Variants in KIAA1755 observed in about 807,000 individuals in gnomAD.
KIAA1755 encodes the protein KIAA1755.
In KIAA1755, 68 loss-of-function variants were observed where a neutral mutation model predicts 91.7. The ratio of observed to expected loss-of-function variants is 0.74; its 90% CI spans 0.61 to 0.91. The LOEUF is 0.91. KIAA1755 is among the 40% of genes least tolerant of loss of function. The pLI, the probability that KIAA1755 is intolerant of heterozygous loss-of-function variation, is 0.00. For missense variants in KIAA1755, 1,535 were observed against 1,494.4 expected (o/e 1.03, Z -0.45); for synonymous variants, 610 against 604.6 (o/e 1.01, Z -0.13).
At chr20:38,219,532 A>C (rs1250307721) in intron 11 of KIAA1755, 98 bp downstream of exon 11, 1 of 1,512,658 alleles carries the variant, frequency 6.6e-7, no homozygotes, top group Non-Finnish European at 8.9e-7. Context: ...CTTTCTCCAG[A>C]ACAAAGCACC....
chr20:38,217,684 T>C, intron 12 of KIAA1755: 2 of 590,868 alleles, frequency 3.4e-6, no homozygotes, highest in South Asian at 2.1e-5. Flanking sequence ...GTTATCACGC[T>C]TCTGGAAGTC....
At chr20:38,253,070 C>CGGCAGGAGCCA (rs2076280071) in intron 1 of KIAA1755, among the ~76,000 whole-genome samples, 1 of 147,384 alleles carries the variant, frequency 6.8e-6, no homozygotes, top group African/African-American at 2.6e-5. Context: ...GCCCGCAGCC[C>CGGCAGGAGCCA]GGCAGGAGCC....
chr20:38,235,622 A>C (rs1268020369), intron 4 of KIAA1755, among the ~76,000 whole-genome samples: 1 of 152,202 alleles, frequency 6.6e-6, no homozygotes, highest in Non-Finnish European at 1.5e-5. Context: ...GGAAAAGGCA[A>C]GGAAATGGAG....
At chr20:38,239,023 C>T (rs1320346331) in intron 4 of KIAA1755, among the ~76,000 whole-genome samples, 1 of 152,214 alleles carries the variant, frequency 6.6e-6, no homozygotes, top group Non-Finnish European at 1.5e-5. Context: ...GACGGACAGA[C>T]TGGGGATCAG....
At chr20:38,253,952 C>T (rs1464400648) in intron 1 of KIAA1755, among the ~76,000 whole-genome samples, 1 of 152,170 alleles carries the variant, frequency 6.6e-6, no homozygotes, top group Non-Finnish European at 1.5e-5. Context: ...GGTGCCATCT[C>T]GACTCACTGC....
chr20:38,259,697 C>T (rs528867363), intron 1 of KIAA1755, among the ~76,000 whole-genome samples: 4 of 151,800 alleles, frequency 2.6e-5, no homozygotes, highest in Non-Finnish European at 4.4e-5. Flanking sequence ...CTTACAGCCC[C>T]TGTGAATCTG....
intron 1 of KIAA1755, among the ~76,000 whole-genome samples, chr20:38,247,089 G>A (rs895566351): frequency 6.6e-6 from 1 of 152,108 alleles, no homozygotes; most frequent in African/African-American, 2.4e-5. Context: ...CAGGACCCAG[G>A]ATCACCTGAC....
At position 38,212,668 on chromosome 20, in the gene KIAA1755, G is replaced by A. The variant is rs934089772; in HGVS notation, c.*374C>T. On this transcript the variant is annotated 3_prime_UTR_variant, in exon 14 of 14. Transcript: ENST00000279024. ...AAGGGCAACACTGGCCCTCGTACCC[G>A]AGGGGAGAGCTGTGTATGTTCCTGA... 9 of 179,158 alleles carry A rather than the reference G, an allele frequency of 5.0e-5. No homozygotes were observed. Among genetic ancestry groups the A allele is most frequent in the East Asian group, 1.4e-4 (1 of 7,018 alleles). 11.1% of individuals were successfully genotyped at this position (179,158 alleles called of 1,614,324 possible). A position where few individuals can be genotyped will look rare whatever the true frequency, so the allele number is the denominator to read the frequency against.
intron 1 of KIAA1755, among the ~76,000 whole-genome samples, chr20:38,249,532 G>A (rs75263204): frequency 7.7e-4 from 117 of 152,264 alleles, no homozygotes; most frequent in Non-Finnish European, 1.4e-3. Flanking sequence ...CCTCCCACCC[G>A]TAGCCCACAC....
chr20:38,222,200 G>A (rs935166974), intron 10 of KIAA1755, among the ~76,000 whole-genome samples: 2 of 152,250 alleles, frequency 1.3e-5, no homozygotes, highest in African/African-American at 4.8e-5. Context: ...GACATCCTCT[G>A]ATGCCCATCC....
In KIAA1755 at chr20:38,217,304, C is replaced by T; in HGVS notation, c.2850G>A (p.Arg950=). Residue 950 remains arginine (R), a synonymous_variant, in exon 13 of 14, where the codon CGG becomes CGA. Coordinates refer to ENST00000279024, the MANE Select transcript of KIAA1755 (RefSeq NM_001029864.2). ...ELTHFYMAAE[R]QRTDLETLLH... ...GCAGCGTCTCGAGGTCCGTGCGTTG[C>T]CGCTCGGCCGCCATGTAAAAGTGGG... 1 of 1,608,644 alleles carries T rather than the reference C, an allele frequency of 6.2e-7. No homozygotes were observed. The highest frequency in any genetic ancestry group is 8.5e-7 in the Non-Finnish European group (1 of 1,178,096).
chr20:38,231,403 C>A, intron 4 of KIAA1755, 78 bp from the exon 5 acceptor site: 1 of 1,441,994 alleles, frequency 6.9e-7, no homozygotes, highest in East Asian at 2.4e-5. Flanking sequence ...GCCTGCAGAC[C>A]TTTGGCCGTA....
rs914401705 is a variant in KIAA1755, at chr20:38,239,651, G to A, written c.1624C>T (p.Pro542Ser). Residue 542 changes from proline (P) to serine (S), a missense_variant, in exon 4 of 14, where the codon CCA becomes TCA. By Grantham distance (74) the Pro-to-Ser change is moderately conservative (BLOSUM62 -1). Transcript: ENST00000279024. ...TCTGGGGAGCCTGCAGAAGCTTCTG[G>A]CAAGGCAGCCTTTTCCTCAGTCAGT... ...SPLTEEKAAL[P>S]EASAGSPERG... is the part of the protein sequence containing the mutation. 6.2e-6 allele frequency: 10 copies of A among 1,606,914 alleles called. No individual in the cohort carries two copies. The highest frequency in any genetic ancestry group is 8.5e-6 in the Non-Finnish European group (10 of 1,177,360).
In KIAA1755 at chr20:38,241,245, T is replaced by G; in HGVS notation, c.886A>C (p.Thr296Pro). 1.2e-6 allele frequency: 2 copies of G among 1,614,184 alleles called. No individual in the cohort carries two copies. The highest frequency in any genetic ancestry group is 1.7e-6 in the Non-Finnish European group (2 of 1,180,034). ...RGESPSREAG[T>P]SSGCTSGALE... ...GCCCCAGAAGTACACCCACTGGATG[T>G]GCCTGCCTCCCTACTGGGAGACTCT... Residue 296 changes from threonine (T) to proline (P), a missense_variant, in exon 3 of 14, where the codon ACA becomes CCA. Coordinates refer to ENST00000279024, the MANE Select transcript of KIAA1755 (RefSeq NM_001029864.2).
At chr20:38,236,100 T>C (rs1049590027) in intron 4 of KIAA1755, among the ~76,000 whole-genome samples, 21 of 151,824 alleles carry the variant, frequency 1.4e-4, no homozygotes, top group Middle Eastern at 3.2e-3. Flanking sequence ...CTGAATACAA[T>C]TTAATGGGAG....
In KIAA1755 at chr20:38,239,637, T is replaced by G. The variant is rs192883165; in HGVS notation, c.1638A>C (p.Ala546=). The G allele has an allele frequency of 1.9e-6, 3 of 1,606,252 alleles. No homozygotes were observed. Among genetic ancestry groups the G allele is most frequent in the Non-Finnish European group, 2.5e-6 (3 of 1,177,106 alleles). The change falls in exon 4 of 14, where the codon GCA becomes GCC. Residue 546 remains alanine, a synonymous_variant. Coordinates refer to ENST00000279024, the MANE Select transcript of KIAA1755 (RefSeq NM_001029864.2). The part of the protein sequence containing the change: ...EEKAALPEAS[A]GSPERGPTLE... ...GGGTGGGGCCTCTTTCTGGGGAGCC[T>G]GCAGAAGCTTCTGGCAAGGCAGCCT...
At position 38,222,502 on chromosome 20, in the gene KIAA1755, G is replaced by C. The variant is rs536659875; in HGVS notation, c.2364C>G (p.Thr788=). ...TGGCATCATGCTGCAGCCTGGCCAG[G>C]GTGGCTCCACCTTCCCGCTGGAGGC... is the stretch of plus-strand genomic sequence containing the variant. The part of the protein sequence containing the change: ...LLGLQREGGA[T]LARLQHDASR... The change falls in exon 10 of 14, where the codon ACC becomes ACG. Residue 788 remains threonine, a synonymous_variant. Transcript: ENST00000279024. 3 of 1,613,822 alleles carry C rather than the reference G, an allele frequency of 1.9e-6. No individual in the cohort carries two copies. In the African/African-American group the frequency reaches 4.0e-5, roughly 22 times the overall value.
intron 8 of KIAA1755, 141 bp downstream of exon 8, chr20:38,225,524 C>A: frequency 1.4e-6 from 1 of 704,580 alleles, no homozygotes; most frequent in Non-Finnish European, 2.6e-6. Context: ...AATCATTTGA[C>A]TCTGTACCTT....
intron 4 of KIAA1755, among the ~76,000 whole-genome samples, chr20:38,235,261 T>A (rs1252074134): frequency 1.3e-5 from 2 of 152,194 alleles, no homozygotes; most frequent in Admixed American, 6.5e-5. Context: ...GCTCTGTTCA[T>A]TCTCTTCTGC....
Sources: gnomAD v4.1 joint callset for allele counts (sites outside exome capture counted in the v4.1 genomes callset) on GRCh38, gnomAD v4.1.1 for gene constraint, MANE v1.5 for transcripts, NCBI Gene and HGNC (gene_info 2026-07-23, HGNC 2026-07-21) for gene names.